DLGAP2: variants seen among roughly 807,000 people sequenced by gnomAD.
DLGAP2 encodes the protein DLG associated protein 2.
In DLGAP2, 26 loss-of-function variants were observed where a neutral mutation model predicts 100.3. That is an observed-to-expected ratio of 0.26 (90% CI 0.19 to 0.36). The LOEUF (loss-of-function observed/expected upper bound fraction) is 0.36, where lower values mean the gene tolerates loss of function less well. DLGAP2 is among the 10% of genes least tolerant of loss of function. The probability of loss-of-function intolerance (pLI) is 1.00; values close to 1 mark genes in which losing one functional copy is unlikely to be tolerated. For synonymous variants in DLGAP2, 886 were observed against 630.1 expected, an observed-to-expected ratio of 1.41 and a Z score of -6.08; for missense variants, 1,858 against 1,453.2, an observed-to-expected ratio of 1.28 and a Z score of -4.53.
At chr8:1,054,493 C>G (rs977600169) in intron 2 of DLGAP2, among the ~76,000 whole-genome samples, 1 of 152,110 alleles carries the variant, frequency 6.6e-6, no homozygotes, top group Non-Finnish European at 1.5e-5. Context: ...TAAGTGCTGT[C>G]ATTAAAGTAG....
intron 2 of DLGAP2, among the ~76,000 whole-genome samples, chr8:1,093,738 C>T (rs1416984783): frequency 6.6e-6 from 1 of 152,268 alleles, no homozygotes; most frequent in African/African-American, 2.4e-5. Flanking sequence ...GACAGCCAGA[C>T]AGGTGTTTGA....
chr8:1,660,465 T>C, intron 8 of DLGAP2, among the ~76,000 whole-genome samples: 1 of 152,208 alleles, frequency 6.6e-6, no homozygotes, highest in East Asian at 1.9e-4. Flanking sequence ...ATATTTAAAA[T>C]ATATTTTAAG....
chr8:1,596,581 G>A (rs1012766006), intron 6 of DLGAP2, among the ~76,000 whole-genome samples: 2 of 152,214 alleles, frequency 1.3e-5, no homozygotes, highest in African/African-American at 2.4e-5. Flanking sequence ...GGCATCAGAT[G>A]GTATCTCATT....
chr8:993,705 G>GATA (rs1332744852), intron 2 of DLGAP2, among the ~76,000 whole-genome samples: 4 of 151,200 alleles, frequency 2.6e-5, no homozygotes, highest in African/African-American at 9.7e-5. Context: ...GCCTCTCAGG[G>GATA]ATATTTATAT....
intron 3 of DLGAP2, among the ~76,000 whole-genome samples, chr8:1,283,848 A>T (rs1799870023): frequency 6.6e-6 from 1 of 152,206 alleles, no homozygotes; most frequent in South Asian, 2.1e-4. Context: ...ATGAGAGTAA[A>T]CTACATCGTT....
chr8:1,003,382 G>C (rs549989059), intron 2 of DLGAP2: 1 of 152,338 alleles, frequency 6.6e-6, no homozygotes, highest in African/African-American at 2.4e-5. Context: ...TCACCCATCA[G>C]TGTAAGGTGC....
chr8:1,344,119 G>GGCCCTGTCGTAAGTCCGTGTACTGGGT (rs1563094979), intron 3 of DLGAP2, among the ~76,000 whole-genome samples: 2 of 133,052 alleles, frequency 1.5e-5, no homozygotes, highest in African/African-American at 6.3e-5. Context: ...ATGTATTCGG[G>GGCCCTGTCGTAAGTCCGTGTACTGGGT]GCCCTGTCGT....
chr8:821,588 G>A (rs1796584174), intron 1 of DLGAP2, among the ~76,000 whole-genome samples: 1 of 152,170 alleles, frequency 6.6e-6, no homozygotes, highest in South Asian at 2.1e-4. Flanking sequence ...TGGGTACATA[G>A]CATTTTTGTC....
chr8:887,507 G>A (rs888139669), intron 1 of DLGAP2, among the ~76,000 whole-genome samples: 1 of 152,156 alleles, frequency 6.6e-6, no homozygotes, highest in Non-Finnish European at 1.5e-5. Context: ...GCAGTGGCTG[G>A]TACCAGTTTT....
chr8:1,644,272 C>A (rs545001602), intron 8 of DLGAP2, among the ~76,000 whole-genome samples: 4 of 152,228 alleles, frequency 2.6e-5, no homozygotes, highest in Non-Finnish European at 5.9e-5. Context: ...TAAGCCCGCC[C>A]GACCAAGAGC....
chr8:1,374,537 A>G (rs1055516982), intron 3 of DLGAP2, among the ~76,000 whole-genome samples: 4 of 152,220 alleles, frequency 2.6e-5, no homozygotes, highest in Non-Finnish European at 4.4e-5. Context: ...AAGGGCATTC[A>G]GGTGGATTTG....
intron 3 of DLGAP2, among the ~76,000 whole-genome samples, chr8:1,276,981 C>T (rs1459986360): frequency 6.6e-6 from 1 of 152,132 alleles, no homozygotes; most frequent in Non-Finnish European, 1.5e-5. Flanking sequence ...TTAGTGGTTG[C>T]ATATTATTCC....
chr8:745,256 G>C (rs977046959), intron 1 of DLGAP2, among the ~76,000 whole-genome samples: 1 of 152,084 alleles, frequency 6.6e-6, no homozygotes, highest in Non-Finnish European at 1.5e-5. Context: ...CCGAACATCT[G>C]TTTTCTGGCT....
At chr8:877,050 C>T (rs1019910245) in intron 1 of DLGAP2, among the ~76,000 whole-genome samples, 2 of 150,080 alleles carry the variant, frequency 1.3e-5, no homozygotes, top group Non-Finnish European at 3.0e-5. Context: ...TTTACCTCTT[C>T]AGTCATAGTC....
intron 3 of DLGAP2, among the ~76,000 whole-genome samples, chr8:1,360,220 C>CGGGGCTTCTCCGGGGT (rs1801949477): frequency 1.3e-5 from 1 of 75,434 alleles, no homozygotes; most frequent in African/African-American, 5.3e-5. Flanking sequence ...TTTTCCGGGG[C>CGGGGCTTCTCCGGGGT]GGGGCTTCTC....
chr8:1,195,011 C>T (rs1002562117), intron 2 of DLGAP2, among the ~76,000 whole-genome samples: 16 of 152,236 alleles, frequency 1.1e-4, no homozygotes, highest in African/African-American at 3.9e-4. Context: ...TCGTGCCCTG[C>T]TCTCCTGAGA....
At chr8:1,173,220 C>G (rs1324834497) in intron 2 of DLGAP2, among the ~76,000 whole-genome samples, 1 of 152,170 alleles carries the variant, frequency 6.6e-6, no homozygotes, top group Non-Finnish European at 1.5e-5. Context: ...GCGAATGCTG[C>G]TGCCTGATCG....
chr8:1,032,150 A>G (rs1472190575), intron 2 of DLGAP2, among the ~76,000 whole-genome samples: 1 of 152,244 alleles, frequency 6.6e-6, no homozygotes, highest in Non-Finnish European at 1.5e-5. Flanking sequence ...AGAGTCAGCC[A>G]GGACGGCGCA....
chr8:898,281 G>A (rs545101496), intron 1 of DLGAP2, among the ~76,000 whole-genome samples: 6 of 152,038 alleles, frequency 3.9e-5, no homozygotes, highest in Admixed American at 3.9e-4. Context: ...CCTCCTGCTT[G>A]GGTGAGGTCT....
Sources: gnomAD v4.1 joint callset for allele counts (sites outside exome capture counted in the v4.1 genomes callset) on GRCh38, gnomAD v4.1.1 for gene constraint, MANE v1.5 for transcripts, NCBI Gene and HGNC (gene_info 2026-07-23, HGNC 2026-07-21) for gene names.